The following CHST3 variants were observed in gnomAD, a reference collection of about 807,000 sequenced individuals.
CHST3 encodes the protein carbohydrate sulfotransferase 3.
Under a neutral mutation model 35.4 loss-of-function variants are expected in CHST3, and 20 were observed. The ratio of observed to expected loss-of-function variants is 0.57; its 90% confidence interval spans 0.40 to 0.82. The LOEUF (loss-of-function observed/expected upper bound fraction) is 0.82. CHST3 is among the 40% of genes least tolerant of loss of function. CHST3 has a pLI of 0.00. For synonymous variants in CHST3, 334 were observed against 295.9 expected, an observed-to-expected ratio of 1.13 and a Z score of -1.32; for missense variants, 693 against 670.1, an observed-to-expected ratio of 1.03 and a Z score of -0.38.
In CHST3 at chr10:72,011,245, C is replaced by T. The variant is rs1840107226; in HGVS notation, c.*2774C>T. 1 of 152,206 alleles carries T rather than the reference C, an allele frequency of 6.6e-6. No individual in the cohort carries two copies. Among genetic ancestry groups the T allele is most frequent in the South Asian group, 2.1e-4 (1 of 4,836 alleles). 9.4% of individuals were successfully genotyped at this position (152,206 alleles called of 1,614,324 possible). ...TAAGATCTGAGATCCCTTGGTTTCTCTCTTGTTGATCTGAGATGCTACATC... is the reference window on the plus strand; with the variant it reads ...TAAGATCTGAGATCCCTTGGTTTCTTTCTTGTTGATCTGAGATGCTACATC... On this transcript the variant is annotated 3_prime_UTR_variant, in exon 3 of 3. Transcript: ENST00000373115.
At chr10:71,993,475 ACTT>A (rs544878870) in intron 1 of CHST3, among the ~76,000 whole-genome samples, 97 of 151,984 alleles carry the variant, frequency 6.4e-4, no homozygotes, top group African/African-American at 2.2e-3. Context: ...CTTAGCATCC[ACTT>A]CTTCTAAATT....
chr10:71,988,043 C>T, intron 1 of CHST3, among the ~76,000 whole-genome samples: 1 of 152,210 alleles, frequency 6.6e-6, no homozygotes, highest in Non-Finnish European at 1.5e-5. Context: ...TTCTCCCGAG[C>T]ATGTGCACGT....
At position 71,979,248 on chromosome 10, in the gene CHST3, G is replaced by C. The variant is rs551866547; in HGVS notation, c.-108+14554G>C. ...CTTGGGCGGGTCGCTCAGCGTGTCT[G>C]GACCTCTGTTTCTCATCTGGATAAT... On this transcript the variant is annotated intron_variant, in intron 1 of 2. Coordinates refer to ENST00000373115, the MANE Select transcript of CHST3 (RefSeq NM_004273.5). Among the ~76,000 whole-genome samples the C allele has an allele frequency of 5.4e-3, 819 of 152,316 alleles. 1 individual carries two copies. Among genetic ancestry groups the C allele is most frequent in the Middle Eastern group, 0.014 (4 of 294 alleles).
rs1589494105 is a variant in CHST3 at position 71,965,637 on chromosome 10, G to T, written c.-108+943G>T. The stretch of plus-strand genomic sequence containing the variant: ...GATGCGTGGTGTTGCTGGGCCCCAG[G>T]ATGTACGGGGGATTGTCCTGGGCCT... On this transcript the variant is annotated intron_variant, in intron 1 of 2. Transcript: ENST00000373115. Among the ~76,000 whole-genome samples the T allele has an allele frequency of 3.3e-5, 5 of 152,324 alleles. No homozygotes were observed. The East Asian group carries it at 9.6e-4, about 29-fold the overall frequency.
At chr10:71,981,786 T>G (rs1839803672) in intron 1 of CHST3, among the ~76,000 whole-genome samples, 1 of 152,250 alleles carries the variant, frequency 6.6e-6, no homozygotes, top group African/African-American at 2.4e-5. Flanking sequence ...CTGACATGAA[T>G]TCAATGCTTC....
At chr10:72,005,695 G>T (rs553991938) in intron 1 of CHST3, 41 bp from the exon 2 acceptor site, 4 of 943,912 alleles carry the variant, frequency 4.2e-6, no homozygotes, top group African/African-American at 3.2e-5. Context: ...TGCATTCCTC[G>T]TGTACAGACA....
intron 1 of CHST3, among the ~76,000 whole-genome samples, chr10:71,968,423 C>T (rs1346545288): frequency 2.6e-5 from 4 of 152,162 alleles, no homozygotes; most frequent in Admixed American, 2.0e-4. Flanking sequence ...ATATTTTCTC[C>T]TGTTCTGTAG....
At chr10:71,969,620 A>C (rs891648310) in intron 1 of CHST3, among the ~76,000 whole-genome samples, 2 of 152,174 alleles carry the variant, frequency 1.3e-5, no homozygotes. Flanking sequence ...GCTGCAAAGA[A>C]ACTGGAGCCC....
rs77908871 is a variant in CHST3 at position 72,012,355 on chromosome 10, A to T, written c.*3884A>T. 1 of 152,236 alleles carries T rather than the reference A, an allele frequency of 6.6e-6. No individual in the cohort carries two copies. Among genetic ancestry groups the T allele is most frequent in the Non-Finnish European group, 1.5e-5 (1 of 68,072 alleles). The allele number at this position is 152,236 out of a possible 1,614,324, so 9.4% of individuals were successfully genotyped here. Reference sequence around the variant, plus strand: ...GTCATCCTCTCCTATACTAGGGCCTATTGACCGTAGAGGCCAGGTGCGGTG... The same window carrying T: ...GTCATCCTCTCCTATACTAGGGCCTTTTGACCGTAGAGGCCAGGTGCGGTG... On this transcript the variant is annotated 3_prime_UTR_variant, in exon 3 of 3. Transcript: ENST00000373115.
At chr10:71,988,929 G>A (rs569839315) in intron 1 of CHST3, among the ~76,000 whole-genome samples, 91 of 152,226 alleles carry the variant, frequency 6.0e-4, no homozygotes, top group African/African-American at 1.4e-3. Flanking sequence ...TTGGGAGTCC[G>A]AGGCAGGTGG....
At chr10:71,993,108 C>T (rs1839912829) in intron 1 of CHST3, among the ~76,000 whole-genome samples, 1 of 152,174 alleles carries the variant, frequency 6.6e-6, no homozygotes, top group Admixed American at 6.5e-5. Flanking sequence ...TTTGTTTTCT[C>T]ATCACATATC....
chr10:72,005,204 TC>T (rs1840026413), intron 1 of CHST3, among the ~76,000 whole-genome samples: 1 of 152,076 alleles, frequency 6.6e-6, no homozygotes, highest in Non-Finnish European at 1.5e-5. Flanking sequence ...CACAGGACAG[TC>T]CCCACTTACC....
At chr10:71,995,272 A>G (rs1353179085) in intron 1 of CHST3, among the ~76,000 whole-genome samples, 1 of 152,012 alleles carries the variant, frequency 6.6e-6, no homozygotes, top group Non-Finnish European at 1.5e-5. Flanking sequence ...TAAAAATACA[A>G]AAATTAGCCT....
Position 72,008,808 on chromosome 10 carries a change from T to A in CHST3, c.*337T>A. On this transcript the variant is annotated 3_prime_UTR_variant, in exon 3 of 3. Coordinates refer to ENST00000373115, the MANE Select transcript of CHST3 (RefSeq NM_004273.5). Reference sequence around the variant, plus strand: ...GACCCTGCAGGCCAGAGTCCAAATATTTAACAATCAGAAGGGGCAAGGCTC... The same window carrying A: ...GACCCTGCAGGCCAGAGTCCAAATAATTAACAATCAGAAGGGGCAAGGCTC... 4.4e-6 allele frequency: 1 copy of A among 226,256 alleles called. No homozygotes were observed. The highest frequency in any genetic ancestry group is 8.6e-6 in the Non-Finnish European group (1 of 115,660). The allele number at this position is 226,256 out of a possible 1,614,324, so 14.0% of individuals were successfully genotyped here.
intron 1 of CHST3, among the ~76,000 whole-genome samples, chr10:71,990,342 A>G (rs56814644): frequency 0.01 from 1,584 of 152,146 alleles, 31 homozygotes; most frequent in African/African-American, 0.037. Context: ...GGAGCAGACA[A>G]GCTCCCTTAG....
At chr10:71,972,848 A>G (rs1311543630) in intron 1 of CHST3, among the ~76,000 whole-genome samples, 1 of 152,086 alleles carries the variant, frequency 6.6e-6, no homozygotes, top group Non-Finnish European at 1.5e-5. Flanking sequence ...CTTCTCCTGG[A>G]AGCCTGGGTG....
chr10:71,989,641 T>C (rs1264105378), intron 1 of CHST3, among the ~76,000 whole-genome samples: 4 of 151,918 alleles, frequency 2.6e-5, no homozygotes, highest in East Asian at 1.9e-4. Context: ...ATTATTTTTA[T>C]AACTTTCTCT....
In CHST3 at chr10:72,012,184, G is replaced by C. The variant is rs992251955; in HGVS notation, c.*3713G>C. The C allele has an allele frequency of 2.0e-5, 3 of 152,194 alleles. No individual in the cohort carries two copies. The highest frequency in any genetic ancestry group is 4.4e-5 in the Non-Finnish European group (3 of 68,052). 9.4% of individuals were successfully genotyped at this position (152,194 alleles called of 1,614,324 possible). ...AACCCCACAGAACAGAGGGCACCAGGCATCACACGACATCTTTCCCTCCCA... is the reference window on the plus strand; with the variant it reads ...AACCCCACAGAACAGAGGGCACCAGCCATCACACGACATCTTTCCCTCCCA... On this transcript the variant is annotated 3_prime_UTR_variant, in exon 3 of 3. Transcript: ENST00000373115.
intron 1 of CHST3, among the ~76,000 whole-genome samples, chr10:71,987,934 T>A (rs1839864029): frequency 6.6e-6 from 1 of 152,146 alleles, no homozygotes; most frequent in African/African-American, 2.4e-5. Context: ...AATCCTGTAA[T>A]GGAGCCGTCT....
Sources: gnomAD v4.1 joint callset for allele counts (sites outside exome capture counted in the v4.1 genomes callset) on GRCh38, gnomAD v4.1.1 for gene constraint, MANE v1.5 for transcripts, NCBI Gene and HGNC (gene_info 2026-07-23, HGNC 2026-07-21) for gene names.